The following ACOT8 variants were observed in gnomAD, a reference collection of about 807,000 sequenced individuals.
The protein encoded by ACOT8 is acyl-coenzyme A thioesterase 8.
In ACOT8, 31 loss-of-function variants were observed where a neutral mutation model predicts 38.4. The observed-to-expected ratio is 0.81, with a 90% CI of 0.61 to 1.09. The LOEUF is 1.09. Among genes scored for constraint, ACOT8 ranks in the 50% least tolerant of loss-of-function variants. ACOT8 has a pLI of 0.00. For synonymous variants in ACOT8, 158 were observed against 170.3 expected (o/e 0.93, Z 0.56); for missense variants, 373 against 421.8 (o/e 0.88, Z 1.01).
intron 3 of ACOT8, among the ~76,000 whole-genome samples, chr20:45,846,203 A>G (rs765701288): frequency 1.6e-4 from 24 of 152,352 alleles, no homozygotes; most frequent in South Asian, 4.1e-4. Flanking sequence ...TTAACAGCAC[A>G]GATCTAAATT....
At chr20:45,851,359 T>C (rs976439085) in intron 2 of ACOT8, among the ~76,000 whole-genome samples, 4 of 152,076 alleles carry the variant, frequency 2.6e-5, no homozygotes, top group African/African-American at 9.6e-5. Flanking sequence ...ACCACCAAAC[T>C]TGGGGGGAAA....
At position 45,855,286 on chromosome 20, in the gene ACOT8, C is replaced by G. The variant is rs1444510675; in HGVS notation, c.135G>C (p.Arg45Ser). The change falls in exon 2 of 6, where the codon AGG (arginine) becomes AGC (serine). Residue 45 changes from arginine (R) to serine (S), a missense_variant. By Grantham distance (110) the Arg-to-Ser change is moderately radical. Transcript: ENST00000217455. ...EPLDEDLFRG[R>S]HYWVPAKRLF... is the part of the protein sequence containing the mutation. ...GCCTCTTGGCCGGTACCCAGTAATG[C>G]CTTCCTCTGTAGGGAGAGGGGGAAA... 6.2e-7 allele frequency: 1 copy of G among 1,613,982 alleles called. No homozygotes were observed. Among genetic ancestry groups the G allele is most frequent in the Admixed American group, 1.7e-5 (1 of 59,998 alleles).
chr20:45,841,730 A>G lies in ACOT8; in HGVS notation c.*108T>C. On this transcript the variant is annotated 3_prime_UTR_variant, in exon 6 of 6. Transcript: ENST00000217455. Reference sequence around the variant, plus strand: ...ATTAAAAGCCAGCCACTCCAGTGGTATCAGTCTCTTTATTGGATGTGAGGG... The same window carrying G: ...ATTAAAAGCCAGCCACTCCAGTGGTGTCAGTCTCTTTATTGGATGTGAGGG... 7.0e-7 allele frequency: 1 copy of G among 1,437,560 alleles called. No homozygotes were observed. The highest frequency in any genetic ancestry group is 2.9e-5 in the Admixed American group (1 of 34,738). 89.1% of individuals were successfully genotyped at this position (1,437,560 alleles called of 1,614,324 possible). A position where few individuals can be genotyped will look rare whatever the true frequency, so the allele number is the denominator to read the frequency against.
chr20:45,855,236 T>G lies in ACOT8; in HGVS notation c.185A>C (p.Gln62Pro). 6.2e-7 allele frequency: 1 copy of G among 1,614,150 alleles called. No homozygotes were observed. Among genetic ancestry groups the G allele is most frequent in the South Asian group, 1.1e-5 (1 of 91,088 alleles). ...KRLFGGQIVG[Q>P]ALVAAAKSVS... ...AGACTTGGCTGCAGCCACCAGGGCC[T>G]GGCCCACGATCTGACCACCAAACAG... The change falls in exon 2 of 6, where the codon CAG (glutamine) becomes CCG (proline). Residue 62 changes from glutamine (Q) to proline (P), a missense_variant. Coordinates refer to ENST00000217455, the MANE Select transcript of ACOT8 (RefSeq NM_005469.4).
intron 3 of ACOT8, among the ~76,000 whole-genome samples, chr20:45,845,596 C>A (rs1437972634): frequency 6.6e-6 from 1 of 152,186 alleles, no homozygotes; most frequent in East Asian, 1.9e-4. Flanking sequence ...GGGGGAGGAG[C>A]CCATTCCAAG....
At chr20:45,856,897 G>T (rs1282852544) in intron 1 of ACOT8, among the ~76,000 whole-genome samples, 1 of 152,232 alleles carries the variant, frequency 6.6e-6, no homozygotes, top group Non-Finnish European at 1.5e-5. Context: ...GCAAATCACT[G>T]CCCTCTCTGG....
intron 3 of ACOT8, among the ~76,000 whole-genome samples, chr20:45,845,840 T>G (rs923491612): frequency 2.6e-5 from 4 of 151,832 alleles, no homozygotes; most frequent in African/African-American, 4.8e-5. Flanking sequence ...TTTTTTTGTT[T>G]TTTTTTTTTT....
rs562671523 is a variant in ACOT8 at position 45,843,545 on chromosome 20, A to T, written c.823T>A (p.Cys275Ser). The change falls in exon 5 of 6, where the codon TGC (cysteine) becomes AGC (serine). Residue 275 changes from cysteine to serine, a missense_variant. Transcript: ENST00000217455. ...CACTCACCGGCCCAGGGGCTCTCGC[A>T]TTCATAGAGCATCCAGTGGTCAGCT... ...FRADHWMLYE[C>S]ESPWAGGSRG... The T allele has an allele frequency of 5.5e-5, 89 of 1,609,806 alleles. 1 individual carries two copies. The South Asian group carries it at 9.0e-4, about 16-fold the overall frequency.
chr20:45,853,955 A>T (rs757940811), intron 2 of ACOT8: 20 of 1,304,448 alleles, frequency 1.5e-5, no homozygotes, highest in Non-Finnish European at 2.0e-5. Flanking sequence ...TCAGCTGGGG[A>T]TCTACGCAGA....
intron 3 of ACOT8, 142 bp downstream of exon 3, chr20:45,848,308 T>G: frequency 6.5e-6 from 5 of 771,412 alleles, no homozygotes; most frequent in Non-Finnish European, 1.0e-5. Context: ...CCTTAATACA[T>G]ACATATTATT....
At chr20:45,852,915 C>T (rs1267625280) in intron 2 of ACOT8, among the ~76,000 whole-genome samples, 1 of 152,150 alleles carries the variant, frequency 6.6e-6, no homozygotes, top group Non-Finnish European at 1.5e-5. Flanking sequence ...ACTACAGGCA[C>T]ATGCCGCCAT....
At chr20:45,843,753 T>A in intron 4 of ACOT8, 32 bp from the exon 5 acceptor site, 1 of 1,600,880 alleles carries the variant, frequency 6.2e-7, no homozygotes, top group Non-Finnish European at 8.5e-7. Context: ...CCTGGGCTCC[T>A]GGGCTTTCCA....
At chr20:45,842,253 T>C (rs1984251711) in intron 5 of ACOT8, 1 of 1,434,516 alleles carries the variant, frequency 7.0e-7, no homozygotes, top group Non-Finnish European at 9.1e-7. Context: ...TTATGGACCG[T>C]CATTGAGGGG....
At chr20:45,856,108 A>T (rs1245958237) in intron 1 of ACOT8, among the ~76,000 whole-genome samples, 3 of 152,162 alleles carry the variant, frequency 2.0e-5, no homozygotes, top group African/African-American at 7.2e-5. Flanking sequence ...TACTAAAAAT[A>T]AAAAAGTTAG....
In ACOT8 at chr20:45,844,293, T is replaced by C; in HGVS notation, c.616A>G (p.Met206Val). Residue 206 changes from methionine (M) to valine (V), a missense_variant, in exon 4 of 6, where the codon ATG (methionine) becomes GTG (valine). Transcript: ENST00000217455. The part of the protein sequence containing the change: ...SQLQRMEPKQ[M>V]FWVRARGYIG... The stretch of plus-strand genomic sequence containing the variant: ...TAGCCCCGGGCTCGCACCCAGAACA[T>C]CTGTTTGGGCTCCATTCTCTGCAGC... The C allele has an allele frequency of 6.2e-7, 1 of 1,614,108 alleles. No homozygotes were observed. The highest frequency in any genetic ancestry group is 8.5e-7 in the Non-Finnish European group (1 of 1,180,004).
chr20:45,841,997 C>T (rs1390517709), intron 5 of ACOT8, 41 bp from the exon 6 acceptor site: 20 of 1,605,086 alleles, frequency 1.2e-5, no homozygotes, highest in Non-Finnish European at 1.5e-5. Flanking sequence ...TGCTTCAGAA[C>T]AGCCAAATAC....
Position 45,850,326 on chromosome 20 carries a change from A to T in ACOT8, c.263-1651T>A, listed in dbSNP as rs772667265. On this transcript the variant is annotated intron_variant, in intron 2 of 5. Transcript: ENST00000217455. ...CTCCGGTTGGTCCTAAGTTGGAAGC[A>T]GGGGCAAAAATTAGGGCAGCTATCA... is the stretch of plus-strand genomic sequence containing the variant. Among the ~76,000 whole-genome samples, 7 of 152,204 alleles carry T rather than the reference A, an allele frequency of 4.6e-5. No individual in the cohort carries two copies. In the South Asian group the frequency reaches 8.3e-4, roughly 18 times the overall value.
intron 5 of ACOT8, chr20:45,842,565 C>T (rs1984301833): frequency 1.0e-6 from 1 of 996,222 alleles, no homozygotes; most frequent in Non-Finnish European, 1.2e-6. Context: ...CTTCCCTCCC[C>T]ATCTGGAGAC....
chr20:45,851,687 T>C (rs6130946), intron 2 of ACOT8, among the ~76,000 whole-genome samples: 17,018 of 152,274 alleles, frequency 0.11, 1,530 homozygotes, highest in East Asian at 0.43. Context: ...TGCCTTAAAA[T>C]ACAATTTTTT....
Sources: gnomAD v4.1 joint callset for allele counts (sites outside exome capture counted in the v4.1 genomes callset) on GRCh38, gnomAD v4.1.1 for gene constraint, MANE v1.5 for transcripts, NCBI Gene and HGNC (gene_info 2026-07-23, HGNC 2026-07-21) for gene names.